The following PUDP variants were observed in gnomAD, a reference collection of about 807,000 sequenced individuals.
PUDP encodes the protein pseudouridine-5'-phosphatase.
In PUDP, 8 loss-of-function variants were observed where a neutral mutation model predicts 9.4. The ratio of observed to expected loss-of-function variants is 0.85; its 90% CI spans 0.50 to 1.53. The LOEUF (loss-of-function observed/expected upper bound fraction) is 1.53. Among genes scored for constraint, PUDP ranks in the 40% most tolerant of loss-of-function variants. The pLI is 0.00. For missense variants in PUDP, 188 were observed against 189.7 expected (o/e 0.99, Z 0.05); for synonymous variants, 99 against 80.7 (o/e 1.23, Z -1.22).
intron 3 of PUDP, among the ~76,000 whole-genome samples, chrX:6,807,434 T>C (rs1926069114): frequency 8.9e-6 from 1 of 112,525 alleles, no homozygotes; most frequent in Non-Finnish European, 1.9e-5. Flanking sequence ...GCATTATTTG[T>C]GAGTCCAAAT....
intron 3 of PUDP, among the ~76,000 whole-genome samples, chrX:6,751,145 A>G (rs1213413489): frequency 9.1e-6 from 1 of 110,290 alleles, no homozygotes; most frequent in Non-Finnish European, 1.9e-5. Context: ...CCGTCTAAAA[A>G]AAAGGAAAGA....
chrX:6,795,473 G>C (rs1324846485), intron 3 of PUDP, among the ~76,000 whole-genome samples: 1 of 111,271 alleles, frequency 9.0e-6, no homozygotes, highest in Non-Finnish European at 1.9e-5. Context: ...ACCATCATGG[G>C]GGCTGTGTAA....
chrX:6,763,120 G>A (rs940078978), intron 3 of PUDP, among the ~76,000 whole-genome samples: 1 of 112,419 alleles, frequency 8.9e-6, no homozygotes, highest in Non-Finnish European at 1.9e-5. Flanking sequence ...GAGGCACGAT[G>A]CCTCCTGCCT....
intron 1 of PUDP, among the ~76,000 whole-genome samples, chrX:6,715,780 G>A (rs998582913): frequency 9.0e-6 from 1 of 111,424 alleles, no homozygotes; most frequent in Non-Finnish European, 1.9e-5. Flanking sequence ...GGGGTTCCCT[G>A]GATAGAGATC....
intron 3 of PUDP, among the ~76,000 whole-genome samples, chrX:6,738,874 A>T (rs1219483266): frequency 8.9e-6 from 1 of 112,167 alleles, no homozygotes; most frequent in Admixed American, 9.5e-5. Flanking sequence ...TCATTGCCAG[A>T]CATTTTTAAA....
At chrX:7,147,950 AC>A (rs1408050531) in intron 1 of PUDP, 102 bp downstream of exon 1, 1 of 650,263 alleles carries the variant, frequency 1.5e-6, no homozygotes, top group Admixed American at 3.2e-5. Context: ...CTGCATGAAC[AC>A]CGCCCCGCCG....
chrX:6,906,258 C>T lies in PUDP; in HGVS notation c.*247+70875G>A, dbSNP rs980587722. 5.4e-5 allele frequency among the ~76,000 whole-genome samples: 6 copies of T among 111,613 alleles called. No individual in the cohort carries two copies. In the Admixed American group the frequency reaches 5.7e-4, roughly 11 times the overall value. ...TCCTGGTGGCCCTCTCAGCTTCATA[C>T]CATAAGACACGAAATAATTGACGAC... On this transcript the variant is annotated intron_variant and NMD_transcript_variant, in intron 3 of 3. Coordinates refer to the PUDP transcript ENST00000655425.
At chrX:6,731,015 G>A (rs769349751) in intron 3 of PUDP, among the ~76,000 whole-genome samples, 14 of 112,199 alleles carry the variant, frequency 1.2e-4, no homozygotes, top group Non-Finnish European at 1.7e-4. Context: ...TTACTCAACT[G>A]TAGAACATCT....
chrX:6,779,974 T>G (rs1212191540), intron 3 of PUDP, among the ~76,000 whole-genome samples: 1 of 110,551 alleles, frequency 9.0e-6, no homozygotes, highest in Non-Finnish European at 1.9e-5. Flanking sequence ...AAACTCTCCC[T>G]CTTGAAGTTC....
At chrX:6,849,406 G>C (rs1308413934) in intron 3 of PUDP, among the ~76,000 whole-genome samples, 1 of 111,406 alleles carries the variant, frequency 9.0e-6, no homozygotes, top group Non-Finnish European at 1.9e-5. Context: ...GTGCAAATCT[G>C]GTGTGAGAGT....
chrX:7,086,637 G>A (rs1260417011), intron 2 of PUDP, among the ~76,000 whole-genome samples: 2 of 112,013 alleles, frequency 1.8e-5, no homozygotes, highest in East Asian at 5.6e-4. Flanking sequence ...GATTTTGGCA[G>A]AGCACCTCCT....
intron 2 of PUDP, among the ~76,000 whole-genome samples, chrX:7,080,805 G>A (rs1017808365): frequency 1.8e-4 from 20 of 109,283 alleles, no homozygotes; most frequent in East Asian, 1.2e-3. Context: ...CCTGTAACCC[G>A]TTACTTGGGA....
chrX:6,800,370 G>A (rs897914806), intron 3 of PUDP, among the ~76,000 whole-genome samples: 1 of 111,724 alleles, frequency 9.0e-6, no homozygotes, highest in African/African-American at 3.3e-5. Context: ...ATTTTCATTA[G>A]ATGAGAAAAT....
chrX:7,132,122 AC>A (rs774560280), intron 1 of PUDP, among the ~76,000 whole-genome samples: 3 of 110,711 alleles, frequency 2.7e-5, no homozygotes, highest in Non-Finnish European at 5.7e-5. Flanking sequence ...CCCCTGAAGA[AC>A]AGGGATGCTG....
intron 3 of PUDP, among the ~76,000 whole-genome samples, chrX:7,054,456 G>A (rs996613663): frequency 9.0e-6 from 1 of 111,501 alleles, no homozygotes; most frequent in African/African-American, 3.3e-5. Context: ...ATAAGCTTAT[G>A]CAACAGAAGG....
At chrX:6,998,324 C>T (rs1213250395) in intron 1 of PUDP, among the ~76,000 whole-genome samples, 3 of 111,459 alleles carry the variant, frequency 2.7e-5, no homozygotes, top group Non-Finnish European at 5.7e-5. Flanking sequence ...AATGAAGAAA[C>T]AAGCTTCAAA....
At chrX:6,958,692 A>T (rs1049833418) in intron 3 of PUDP, among the ~76,000 whole-genome samples, 1 of 100,797 alleles carries the variant, frequency 9.9e-6, no homozygotes, top group Non-Finnish European at 2.0e-5. Context: ...AGATCACGCC[A>T]TTGCACTCCA....
intron 1 of PUDP, among the ~76,000 whole-genome samples, chrX:6,714,931 A>G (rs1453122693): frequency 9.1e-6 from 1 of 110,376 alleles, no homozygotes; most frequent in Non-Finnish European, 1.9e-5. Flanking sequence ...TAGGATATGT[A>G]TATATATTCT....
intron 3 of PUDP, among the ~76,000 whole-genome samples, chrX:6,891,759 T>A (rs1927519892): frequency 8.9e-6 from 1 of 112,174 alleles, no homozygotes; most frequent in Non-Finnish European, 1.9e-5. Flanking sequence ...TGTATCACCA[T>A]CTGCAGAGTC....
Sources: gnomAD v4.1 joint callset for allele counts (sites outside exome capture counted in the v4.1 genomes callset) on GRCh38, gnomAD v4.1.1 for gene constraint, MANE v1.5 for transcripts, NCBI Gene and HGNC (gene_info 2026-07-23, HGNC 2026-07-21) for gene names.